ARID1B: variants seen among roughly 807,000 people sequenced by gnomAD.
The protein encoded by ARID1B is AT-rich interaction domain 1B, also known as AT-rich interactive domain-containing protein 1B.
ARID1B carries 30 observed loss-of-function variants against 212.3 expected under a neutral mutation model. The ratio of observed to expected loss-of-function variants is 0.14; its 90% CI spans 0.11 to 0.19. The LOEUF (loss-of-function observed/expected upper bound fraction) is 0.19. Ranked by LOEUF, ARID1B falls within the 10% of genes least tolerant of loss-of-function variation. The probability of loss-of-function intolerance (pLI) is 1.00; values close to 1 mark genes in which losing one functional copy is unlikely to be tolerated. For synonymous variants in ARID1B, 1,402 were observed against 1,301.7 expected (o/e 1.08, Z -1.66); for missense variants, 2,891 against 3,204.0 (o/e 0.90, Z 2.36).
intron 3 of ARID1B, 119 bp downstream of exon 3, chr6:156,901,644 G>T: frequency 7.8e-7 from 1 of 1,282,374 alleles, no homozygotes; most frequent in South Asian, 1.5e-5. Flanking sequence ...AATTAGTTTT[G>T]AGAAAATGCA....
chr6:157,001,737 G>T (rs78299605), intron 4 of ARID1B, among the ~76,000 whole-genome samples: 81 of 152,350 alleles, frequency 5.3e-4, no homozygotes, highest in African/African-American at 1.9e-3. Flanking sequence ...AGATGCAGTT[G>T]TCCCCCTCCT....
chr6:156,813,455 C>T (rs1781756589), intron 1 of ARID1B, among the ~76,000 whole-genome samples: 1 of 152,022 alleles, frequency 6.6e-6, no homozygotes, highest in South Asian at 2.1e-4. Flanking sequence ...TTGTAACCCT[C>T]GTTCTTATTT....
intron 4 of ARID1B, among the ~76,000 whole-genome samples, chr6:156,973,368 T>C (rs1777057414): frequency 6.6e-6 from 1 of 152,092 alleles, no homozygotes; most frequent in Non-Finnish European, 1.5e-5. Context: ...GCAGTAACTG[T>C]TAATAAATGA....
intron 11 of ARID1B, among the ~76,000 whole-genome samples, chr6:157,178,171 C>T (rs1792237551): frequency 6.6e-6 from 1 of 152,104 alleles, no homozygotes; most frequent in Non-Finnish European, 1.5e-5. Flanking sequence ...ACACCTTGCT[C>T]GGTGAAATCC....
rs772325958 is a variant in ARID1B at position 157,174,068 on chromosome 6, AAGC to A, written c.3299_3301del (p.Ala1100del). 1 of 1,613,980 alleles carries A rather than the reference AAGC, an allele frequency of 6.2e-7. No individual in the cohort carries two copies. The highest frequency in any genetic ancestry group is 1.3e-5 in the African/African-American group (1 of 74,892). On this transcript the variant is annotated inframe_deletion, in exon 10 of 20. Coordinates refer to ENST00000636930, the MANE Select transcript of ARID1B (RefSeq NM_001374828.1). Reference sequence around the variant, plus strand: ...GAATCCAAACTGCCCCTGCCTCTCAAAGCAGACGGCAAAGAAGAAGGCACTCCA... The same window carrying A: ...GAATCCAAACTGCCCCTGCCTCTCAAAGACGGCAAAGAAGAAGGCACTCCA...
At chr6:157,196,133 T>C in intron 15 of ARID1B, 32 bp from the exon 16 acceptor site, 1 of 1,609,184 alleles carries the variant, frequency 6.2e-7, no homozygotes, top group Non-Finnish European at 8.5e-7. Flanking sequence ...CAGAAATGCC[T>C]AAATGTATGC....
intron 2 of ARID1B, among the ~76,000 whole-genome samples, chr6:156,873,608 G>A (rs1455817832): frequency 1.3e-5 from 2 of 152,218 alleles, no homozygotes; most frequent in Admixed American, 6.5e-5. Context: ...GGTTGGCTGC[G>A]TGCAGAGCTG....
In ARID1B at chr6:156,807,432, T is replaced by C. The variant is rs1781253606; in HGVS notation, c.1792-21795T>C. Among the ~76,000 whole-genome samples the C allele has an allele frequency of 6.0e-5, 9 of 150,136 alleles. No homozygotes were observed. The South Asian group carries it at 1.9e-3, about 31-fold the overall frequency. On this transcript the variant is annotated intron_variant, in intron 1 of 19. Transcript: ENST00000636930. ...CTTTAATTTCCCCCCACTAGAGTTTTGAGGTTTTTTCTTAAGGTTTTTTTT... is the reference window on the plus strand; with the variant it reads ...CTTTAATTTCCCCCCACTAGAGTTTCGAGGTTTTTTCTTAAGGTTTTTTTT...
At chr6:157,150,778 G>A (rs751699597) in intron 8 of ARID1B, 17 of 183,052 alleles carry the variant, frequency 9.3e-5, no homozygotes, top group Non-Finnish European at 1.9e-4. Flanking sequence ...GCTGGCGGAC[G>A]CCCCATGTTT....
chr6:156,794,498 C>T (rs1780219149), intron 1 of ARID1B, among the ~76,000 whole-genome samples: 1 of 150,362 alleles, frequency 6.7e-6, no homozygotes, highest in African/African-American at 2.5e-5. Flanking sequence ...TCAAGCAATC[C>T]TCCTGCCTTG....
chr6:156,785,132 A>C (rs1420677643), intron 1 of ARID1B, among the ~76,000 whole-genome samples: 4 of 152,224 alleles, frequency 2.6e-5, no homozygotes, highest in Admixed American at 2.6e-4. Flanking sequence ...TGCCAAGAAT[A>C]TTAGAAGGCT....
chr6:156,990,147 A>G (rs1204868028), intron 4 of ARID1B, among the ~76,000 whole-genome samples: 3 of 150,732 alleles, frequency 2.0e-5, no homozygotes, highest in Non-Finnish European at 4.4e-5. Flanking sequence ...GAGTCAATGG[A>G]CTGGTTACAG....
intron 2 of ARID1B, among the ~76,000 whole-genome samples, chr6:156,870,864 C>G (rs1017148654): frequency 6.6e-6 from 1 of 152,158 alleles, no homozygotes; most frequent in Non-Finnish European, 1.5e-5. Flanking sequence ...TTTACCAAAC[C>G]TCTTTGTTAT....
At chr6:157,036,791 G>C in intron 4 of ARID1B, 1 of 488,168 alleles carries the variant, frequency 2.0e-6, no homozygotes, top group Non-Finnish European at 4.1e-6. Flanking sequence ...GACTCAAAGA[G>C]GTTTTTGATA....
chr6:156,870,389 GGCTGTTTA>G (rs1786032000), intron 2 of ARID1B: 1 of 152,242 alleles, frequency 6.6e-6, no homozygotes. Flanking sequence ...ACGTTCCGCT[GGCTGTTTA>G]TAACCAGATC....
chr6:157,144,188 C>T (rs1041263131), intron 7 of ARID1B, among the ~76,000 whole-genome samples: 1 of 152,180 alleles, frequency 6.6e-6, no homozygotes, highest in African/African-American at 2.4e-5. Context: ...TAAGATACAG[C>T]CCTTGACTCC....
At chr6:156,851,238 G>C (rs1353813939) in intron 2 of ARID1B, among the ~76,000 whole-genome samples, 1 of 152,172 alleles carries the variant, frequency 6.6e-6, no homozygotes, top group East Asian at 1.9e-4. Flanking sequence ...AGGGGACCCA[G>C]ATCTTAAGAC....
intron 4 of ARID1B, among the ~76,000 whole-genome samples, chr6:157,041,875 G>A (rs1057189469): frequency 2.0e-5 from 3 of 152,192 alleles, no homozygotes; most frequent in Admixed American, 6.5e-5. Flanking sequence ...CTCTTACTAA[G>A]GTCCCCAACG....
At chr6:156,921,601 T>C (rs1790807402) in intron 3 of ARID1B, among the ~76,000 whole-genome samples, 1 of 152,154 alleles carries the variant, frequency 6.6e-6, no homozygotes, top group African/African-American at 2.4e-5. Context: ...TTGATACTAA[T>C]TGGATGCTAA....
Sources: allele counts gnomAD v4.1 joint callset (sites outside exome capture counted in the v4.1 genomes callset), GRCh38; gene constraint gnomAD v4.1.1; transcripts MANE v1.5; gene names NCBI Gene and HGNC (gene_info 2026-07-23, HGNC 2026-07-21).